The following NEMF variants were observed in gnomAD, a reference collection of about 807,000 sequenced individuals.
NEMF encodes nuclear export mediator factor, also known as ribosome quality control complex subunit NEMF.
NEMF carries 89 observed loss-of-function variants against 162.2 expected under a neutral mutation model. The observed-to-expected ratio is 0.55, with a 90% CI of 0.46 to 0.65. The LOEUF is 0.65. NEMF is among the 30% of genes least tolerant of loss of function. NEMF has a pLI of 0.00. For synonymous variants in NEMF, 421 were observed against 404.5 expected, an observed-to-expected ratio of 1.04 and a Z score of -0.49; for missense variants, 1,133 against 1,261.9, an observed-to-expected ratio of 0.90 and a Z score of 1.55.
intron 19 of NEMF, 44 bp downstream of exon 19, chr14:49,805,977 G>T: frequency 7.1e-7 from 1 of 1,399,062 alleles, no homozygotes; most frequent in Non-Finnish European, 1.0e-6. Flanking sequence ...TTGGCACACA[G>T]TAGCTCTTAG....
In NEMF at chr14:49,789,191, A is replaced by T; in HGVS notation, c.2850T>A (p.Thr950=). ...KKETPFLEVI[T]HELQDFAVDD... is the part of the protein sequence containing the mutation. ...CTACAGCAAAGTCTTGTAACTCATGAGTTATAACCTCAAGGAACGGAGTTT... is the reference window on the plus strand; with the variant it reads ...CTACAGCAAAGTCTTGTAACTCATGTGTTATAACCTCAAGGAACGGAGTTT... Residue 950 remains threonine, a synonymous_variant, in exon 28 of 33, where the codon ACT becomes ACA. Transcript: ENST00000298310. The T allele has an allele frequency of 6.2e-7, 1 of 1,614,134 alleles. No individual in the cohort carries two copies. The highest frequency in any genetic ancestry group is 8.5e-7 in the Non-Finnish European group (1 of 1,179,998).
intron 3 of NEMF, among the ~76,000 whole-genome samples, chr14:49,847,436 T>A (rs1400491096): frequency 6.6e-6 from 1 of 150,950 alleles, no homozygotes; most frequent in Non-Finnish European, 1.5e-5. Flanking sequence ...ACTCCTGAGC[T>A]CAGGCAATCT....
chr14:49,813,621 T>C (rs1395420856), intron 18 of NEMF, among the ~76,000 whole-genome samples: 1 of 152,138 alleles, frequency 6.6e-6, no homozygotes, highest in Non-Finnish European at 1.5e-5. Context: ...TACATCTTCT[T>C]GATAAGACTG....
In NEMF at chr14:49,851,628, T is replaced by C. The variant is rs1304994732; in HGVS notation, c.166A>G (p.Ile56Val). The C allele has an allele frequency of 1.9e-6, 3 of 1,613,942 alleles. No homozygotes were observed. The highest frequency in any genetic ancestry group is 2.2e-5 in the East Asian group (1 of 44,860). Residue 56 changes from isoleucine (I) to valine (V), a missense_variant, in exon 3 of 33, where the codon ATA becomes GTA. Around this residue, in one of 3 missense-constraint regions of NEMF, gnomAD observed 582 missense variants for 631.5 expected, o/e 0.92. Coordinates refer to ENST00000298310, the MANE Select transcript of NEMF (RefSeq NM_004713.6). ...TCAAATTCTGTTGTATGAATTCGTA[T>C]GCCAGATTCAAGTAAAAGTGTAGCT... Reference protein sequence around the residue: ...FKATLLLESGIRIHTTEFEWP... With the variant: ...FKATLLLESGVRIHTTEFEWP...
intron 3 of NEMF, among the ~76,000 whole-genome samples, chr14:49,846,679 A>C (rs1406207000): frequency 6.6e-6 from 1 of 152,148 alleles, no homozygotes; most frequent in East Asian, 1.9e-4. Context: ...TGCCCAGGCT[A>C]ATCTCAAACT....
At chr14:49,786,997 T>C in intron 28 of NEMF, 2 of 434,634 alleles carry the variant, frequency 4.6e-6, no homozygotes. Context: ...TTCTCTGAAG[T>C]AGAGGAGGTG....
intron 25 of NEMF, 168 bp from the exon 26 acceptor site, chr14:49,796,112 T>C: frequency 1.6e-6 from 1 of 626,150 alleles, no homozygotes; most frequent in East Asian, 2.8e-5. Context: ...AATCATCATG[T>C]GGGAAAAAGA....
intron 18 of NEMF, among the ~76,000 whole-genome samples, chr14:49,813,325 TAA>T (rs750525057): frequency 3.2e-4 from 49 of 152,150 alleles, no homozygotes; most frequent in Non-Finnish European, 6.5e-4. Context: ...CTTCAAAATA[TAA>T]AAACACTCTG....
At chr14:49,795,010 G>T (rs1890626989) in intron 26 of NEMF, among the ~76,000 whole-genome samples, 1 of 151,962 alleles carries the variant, frequency 6.6e-6, no homozygotes, top group South Asian at 2.1e-4. Context: ...GAGCCACTGT[G>T]CCTGGCTGCT....
At chr14:49,827,794 TAA>T (rs1338887890) in intron 15 of NEMF, among the ~76,000 whole-genome samples, 1 of 149,424 alleles carries the variant, frequency 6.7e-6, no homozygotes, top group Non-Finnish European at 1.5e-5. Context: ...GCCTGAGCAA[TAA>T]GAGTGAAACT....
intron 4 of NEMF, among the ~76,000 whole-genome samples, chr14:49,845,210 A>T (rs8020908): frequency 0.039 from 5,976 of 152,142 alleles, 201 homozygotes; most frequent in South Asian, 0.17. Context: ...CTCCTGCCTC[A>T]GCCTCCCGAG....
intron 3 of NEMF, among the ~76,000 whole-genome samples, chr14:49,848,889 T>C (rs1024468177): frequency 7.3e-6 from 1 of 136,284 alleles, no homozygotes; most frequent in African/African-American, 2.7e-5. Context: ...CAGAAGTTAA[T>C]CTAAGACCAC....
rs749808760 is a variant in NEMF, at chr14:49,782,399, AAGG to A, written c.*2234_*2236del. 61 of 1,612,544 alleles carry A rather than the reference AAGG, an allele frequency of 3.8e-5. No individual in the cohort carries two copies. Among genetic ancestry groups the A allele is most frequent in the Non-Finnish European group, 4.9e-5 (58 of 1,178,796 alleles). On this transcript the variant is annotated 3_prime_UTR_variant, in exon 33 of 33. Transcript: ENST00000298310. Reference sequence around the variant, plus strand: ...TGGCACACAGCTTGTGCCAGCGATGAAGGAGAAGTAATTGTTTTTGGTGGATGT... The same window carrying A: ...TGGCACACAGCTTGTGCCAGCGATGAAGAAGTAATTGTTTTTGGTGGATGT...
chr14:49,819,424 TA>T (rs1891885764), intron 16 of NEMF, among the ~76,000 whole-genome samples: 2 of 151,564 alleles, frequency 1.3e-5, no homozygotes, highest in South Asian at 2.1e-4. Context: ...TATATATGTT[TA>T]TTTTTTTGAG....
At chr14:49,788,061 C>G (rs574868932) in intron 28 of NEMF, among the ~76,000 whole-genome samples, 4 of 152,168 alleles carry the variant, frequency 2.6e-5, no homozygotes, top group African/African-American at 9.6e-5. Flanking sequence ...GGCGGATCAC[C>G]TGAGATCAGG....
intron 6 of NEMF, among the ~76,000 whole-genome samples, chr14:49,837,717 T>C (rs768034501): frequency 6.6e-6 from 1 of 151,134 alleles, no homozygotes; most frequent in Non-Finnish European, 1.5e-5. Context: ...TAGGGCTAAG[T>C]GATGATCTTC....
chr14:49,833,366 A>G (rs1381577530), intron 8 of NEMF, 57 bp downstream of exon 8: 2 of 1,086,602 alleles, frequency 1.8e-6, no homozygotes, highest in Non-Finnish European at 2.7e-6. Context: ...ATGAACGTTT[A>G]ATTTCTGAAA....
At chr14:49,785,435 C>T in intron 29 of NEMF, 115 bp from the exon 30 acceptor site, 1 of 705,722 alleles carries the variant, frequency 1.4e-6, no homozygotes. Flanking sequence ...ATATACATAC[C>T]ATCTAAGCTG....
At chr14:49,822,480 C>T (rs2139939200) in intron 16 of NEMF, among the ~76,000 whole-genome samples, 1 of 150,356 alleles carries the variant, frequency 6.7e-6, no homozygotes, top group East Asian at 2.0e-4. Context: ...AAGATCGCAC[C>T]ACTGCACTCC....
Sources: allele counts gnomAD v4.1 joint callset (sites outside exome capture counted in the v4.1 genomes callset), GRCh38; gene constraint gnomAD v4.1.1; regional missense constraint gnomAD v4.1.1; transcripts MANE v1.5; gene names NCBI Gene and HGNC (gene_info 2026-07-23, HGNC 2026-07-21).